PCDH12: variants seen among roughly 807,000 people sequenced by gnomAD.
PCDH12 encodes the protein protocadherin 12.
PCDH12 carries 45 observed loss-of-function variants against 70.9 expected under a neutral mutation model. The observed-to-expected ratio is 0.63, with a 90% CI of 0.50 to 0.81. The LOEUF (loss-of-function observed/expected upper bound fraction) is 0.81. PCDH12 is among the 40% of genes least tolerant of loss of function. The probability of loss-of-function intolerance (pLI) is 0.00; values close to 1 mark genes in which losing one functional copy is unlikely to be tolerated. For missense variants in PCDH12, 1,370 were observed against 1,491.7 expected (o/e 0.92, Z 1.34); for synonymous variants, 567 against 626.0 (o/e 0.91, Z 1.41).
rs1179506946 is a variant in PCDH12 at position 141,955,876 on chromosome 5, T to C, written c.1976A>G (p.Asn659Ser). 8 of 1,614,146 alleles carry C rather than the reference T, an allele frequency of 5.0e-6. 1 individual carries two copies. The Middle Eastern group carries it at 4.9e-4, about 100-fold the overall frequency. The part of the protein sequence containing the change: ...LNPHTGQLFV[N>S]VTNASSLIGS... ...AATGAGGCTGCTGGCATTGGTGACA[T>C]TGACGAACAGCTGCCCCGTATGAGG... Residue 659 changes from asparagine to serine, a missense_variant, in exon 1 of 4, where the codon AAT becomes AGT. Coordinates refer to ENST00000231484, the MANE Select transcript of PCDH12 (RefSeq NM_016580.4). This position sits in a 1 kb window ranked among gnomAD's most constrained non-coding sequence, Gnocchi z 5.5.
chr5:141,950,083 G>A (rs1042029613), intron 2 of PCDH12, among the ~76,000 whole-genome samples: 6 of 152,212 alleles, frequency 3.9e-5, no homozygotes, highest in East Asian at 1.9e-4. Context: ...CACAGTGGGT[G>A]CTGAATGAGT....
In PCDH12 at chr5:141,957,436, T is replaced by C; in HGVS notation, c.416A>G (p.Glu139Gly). 1 of 1,612,694 alleles carries C rather than the reference T, an allele frequency of 6.2e-7. No individual in the cohort carries two copies. Among genetic ancestry groups the C allele is most frequent in the South Asian group, 1.1e-5 (1 of 90,746 alleles). ...GCTCTCAGAGATTTCCAGCTCCTGC[T>C]CGCCTTTGGGAAACCGTGGCTGGTG... ...NDHQPRFPKG[E>G]QELEISESAS... The change falls in exon 1 of 4, where the codon GAG (glutamate) becomes GGG (glycine). Residue 139 changes from glutamate (E) to glycine (G), a missense_variant. Transcript: ENST00000231484. The surrounding 1 kb of genome is among the most constrained non-coding windows in gnomAD (Gnocchi z 4.3).
Position 141,955,400 on chromosome 5 carries a change from G to A in PCDH12, c.2452C>T (p.Leu818Phe), listed in dbSNP as rs1753161789. The A allele has an allele frequency of 6.2e-7, 1 of 1,613,886 alleles. No individual in the cohort carries two copies. Reference sequence around the variant, plus strand: ...AGCGTCCTGTACAGGGTCGGGGTGAGGTGGAAGGGGGCCTGCAGGCAGGGG... The same window carrying A: ...AGCGTCCTGTACAGGGTCGGGGTGAAGTGGAAGGGGGCCTGCAGGCAGGGG... Reference protein sequence around the residue: ...WDPCLQAPFHLTPTLYRTLRN... With the variant: ...WDPCLQAPFHFTPTLYRTLRN... The change falls in exon 1 of 4, where the codon CTC becomes TTC. Residue 818 changes from leucine to phenylalanine, a missense_variant. Coordinates refer to ENST00000231484, the MANE Select transcript of PCDH12 (RefSeq NM_016580.4). This position sits in a 1 kb window ranked among gnomAD's most constrained non-coding sequence, Gnocchi z 5.5.
chr5:141,954,054 A>G (rs1753135674), intron 1 of PCDH12, among the ~76,000 whole-genome samples: 1 of 152,210 alleles, frequency 6.6e-6, no homozygotes, highest in Non-Finnish European at 1.5e-5. Flanking sequence ...CATCCCATTT[A>G]GCCCTCACAC....
rs10040926 is a variant in PCDH12, at chr5:141,955,801, G to C, written c.2051C>G (p.Pro684Arg). Residue 684 changes from proline (P) to arginine (R), a missense_variant, in exon 1 of 4, where the codon CCC becomes CGC. Pro to Arg is a moderately radical substitution (Grantham distance 103). Coordinates refer to ENST00000231484, the MANE Select transcript of PCDH12 (RefSeq NM_016580.4). This position sits in a 1 kb window ranked among gnomAD's most constrained non-coding sequence, Gnocchi z 5.5. ...CCTCAACAGGGCTCGGGTCTGTAAG[G>C]GGGGGCTTCCCTGGTCCTCTACTAC... ...EIVVEDQGSP[P>R]LQTRALLRVM... 647 of 1,613,864 alleles carry C rather than the reference G, an allele frequency of 4.0e-4. 1 individual carries two copies. The African/African-American group carries it at 7.6e-3, about 19-fold the overall frequency.
chr5:141,955,248 G>A lies in PCDH12; in HGVS notation c.2604C>T (p.Pro868=), dbSNP rs758295361. ...ASRENLNLPE[P]QPATGQPRSR... Reference sequence around the variant, plus strand: ...AACGTGGCTGGCCTGTGGCAGGCTGGGGCTCGGGAAGGTTCAGGTTCTCCC... The same window carrying A: ...AACGTGGCTGGCCTGTGGCAGGCTGAGGCTCGGGAAGGTTCAGGTTCTCCC... Residue 868 remains proline, a synonymous_variant, in exon 1 of 4, where the codon CCC becomes CCT. Coordinates refer to ENST00000231484, the MANE Select transcript of PCDH12 (RefSeq NM_016580.4). The surrounding 1 kb of genome is among the most constrained non-coding windows in gnomAD (Gnocchi z 5.5). 1.8e-5 allele frequency: 29 copies of A among 1,614,096 alleles called. 1 individual carries two copies. In the African/African-American group the frequency reaches 1.9e-4, roughly 10 times the overall value.
At chr5:141,949,233 TAA>T (rs367650436) in intron 3 of PCDH12, 197 bp downstream of exon 3, 1,126 of 632,236 alleles carry the variant, frequency 1.8e-3, no homozygotes, top group Middle Eastern at 4.8e-3. Flanking sequence ...AGACCCTGTC[TAA>T]AAAAAAAAAA....
chr5:141,949,417 C>T lies in PCDH12; in HGVS notation c.3130+15G>A. 1 of 1,607,348 alleles carries T rather than the reference C, an allele frequency of 6.2e-7. No individual in the cohort carries two copies. The highest frequency in any genetic ancestry group is 8.5e-7 in the Non-Finnish European group (1 of 1,176,508). On this transcript the variant is annotated intron_variant, in intron 3 of 3. Transcript: ENST00000231484. ...GGGCAGAAGCAGGGTCAAGGTAACT[C>T]CAGGGGGTCCCTACCTGTGCTGGGG...
intron 1 of PCDH12, among the ~76,000 whole-genome samples, chr5:141,951,953 G>C (rs550865782): frequency 4.7e-4 from 71 of 152,364 alleles, no homozygotes; most frequent in African/African-American, 1.6e-3. Context: ...TTATCTTAAA[G>C]AGTTATGTTC....
At chr5:141,948,153 C>T (rs1596640913) in intron 3 of PCDH12, among the ~76,000 whole-genome samples, 1 of 152,196 alleles carries the variant, frequency 6.6e-6, no homozygotes, top group South Asian at 2.1e-4. Context: ...TGTTAATAAC[C>T]ATCCACGAGC....
rs777396555 is a variant in PCDH12 at position 141,955,059 on chromosome 5, G to T, written c.2793C>A (p.Ile931=). The part of the protein sequence containing the change: ...SPEKESGPRQ[I]LRSLVRLSVA... The stretch of plus-strand genomic sequence containing the variant: ...CAGACAGCCGGACCAGGCTCCGCAG[G>T]ATCTGACGGGGCCCTGATTCTTTCT... Residue 931 remains isoleucine (I), a synonymous_variant, in exon 1 of 4, where the codon ATC becomes ATA. Coordinates refer to ENST00000231484, the MANE Select transcript of PCDH12 (RefSeq NM_016580.4). This position sits in a 1 kb window ranked among gnomAD's most constrained non-coding sequence, Gnocchi z 5.5. 17 of 1,614,116 alleles carry T rather than the reference G, an allele frequency of 1.1e-5. No homozygotes were observed. The highest frequency in any genetic ancestry group is 1.6e-4 in the Middle Eastern group (1 of 6,084).
intron 1 of PCDH12, 30 bp from the exon 2 acceptor site, chr5:141,951,620 A>C: frequency 6.6e-7 from 1 of 1,512,238 alleles, no homozygotes; most frequent in Non-Finnish European, 9.2e-7. Flanking sequence ...TGTTGACTCC[A>C]CACAATTCCG....
chr5:141,950,052 T>TG lies in PCDH12; in HGVS notation c.2979-470dup, dbSNP rs548373703. On this transcript the variant is annotated intron_variant, in intron 2 of 3. Coordinates refer to ENST00000231484, the MANE Select transcript of PCDH12 (RefSeq NM_016580.4). ...GTCTCATTGCCTGCTCCCTTACTGATGCTCAGAACAGGGCGTGGCACACAG... is the reference window on the plus strand; with the variant it reads ...GTCTCATTGCCTGCTCCCTTACTGATGGCTCAGAACAGGGCGTGGCACACAG... Among the ~76,000 whole-genome samples, 29 of 152,330 alleles carry TG rather than the reference T, an allele frequency of 1.9e-4. No individual in the cohort carries two copies. The East Asian group carries it at 5.6e-3, about 29-fold the overall frequency.
Position 141,955,889 on chromosome 5 carries a change from G to GC in PCDH12, c.1962dup (p.Gln655AlafsTer16). The GC allele has an allele frequency of 6.2e-7, 1 of 1,614,190 alleles. No homozygotes were observed. Among genetic ancestry groups the GC allele is most frequent in the Non-Finnish European group, 8.5e-7 (1 of 1,180,028 alleles). On this transcript the variant is annotated frameshift_variant, in exon 1 of 4. Transcript: ENST00000231484. LOFTEE classifies it high-confidence loss of function. The surrounding 1 kb of genome is among the most constrained non-coding windows in gnomAD (Gnocchi z 5.5). ...GCATTGGTGACATTGACGAACAGCT[G>GC]CCCCGTATGAGGGTTGAGGATGAAG...
intron 3 of PCDH12, among the ~76,000 whole-genome samples, 165 bp from the exon 4 acceptor site, chr5:141,945,970 A>G (rs529613610): frequency 1.1e-4 from 17 of 152,346 alleles, no homozygotes; most frequent in African/African-American, 3.8e-4. Context: ...AGGCCCTGAC[A>G]GGGAAGCTCC....
Position 141,957,821 on chromosome 5 carries a change from G to A in PCDH12, c.31C>T (p.Leu11Phe). 6.2e-7 allele frequency: 1 copy of A among 1,601,008 alleles called. No individual in the cohort carries two copies. Among genetic ancestry groups the A allele is most frequent in the Non-Finnish European group, 8.5e-7 (1 of 1,179,436 alleles). ...AATAAGTAGCCACCTGGCCCCAAAA[G>A]CCCCAGCAGAAGTTGCAGAAGTTGC... MMQLLQLLLG[L>F]LGPGGYLFLL... The change falls in exon 1 of 4, where the codon CTT becomes TTT. Residue 11 changes from leucine to phenylalanine, a missense_variant. Leu to Phe is a conservative substitution (Grantham distance 22). Coordinates refer to ENST00000231484, the MANE Select transcript of PCDH12 (RefSeq NM_016580.4). The surrounding 1 kb of genome is among the most constrained non-coding windows in gnomAD (Gnocchi z 4.3).
chr5:141,957,601 C>A lies in PCDH12; in HGVS notation c.251G>T (p.Gly84Val), dbSNP rs200573476. The A allele has an allele frequency of 1.9e-6, 3 of 1,614,210 alleles. No homozygotes were observed. Among genetic ancestry groups the A allele is most frequent in the South Asian group, 1.1e-5 (1 of 91,082 alleles). The change falls in exon 1 of 4, where the codon GGC becomes GTC. Residue 84 changes from glycine (G) to valine (V), a missense_variant. Coordinates refer to ENST00000231484, the MANE Select transcript of PCDH12 (RefSeq NM_016580.4). This position sits in a 1 kb window ranked among gnomAD's most constrained non-coding sequence, Gnocchi z 4.3. Reference protein sequence around the residue: ...ALPIQVDSEEGLLSTGRRLDR... With the variant: ...ALPIQVDSEEVLLSTGRRLDR... ...CAGCCGCCTGCCTGTGCTGAGCAAG[C>A]CTTCCTCAGAGTCCACCTGAATGGG...
At chr5:141,949,400 G>A (rs763212647) in intron 3 of PCDH12, 32 bp downstream of exon 3, 1 of 1,591,288 alleles carries the variant, frequency 6.3e-7, no homozygotes, top group Non-Finnish European at 8.6e-7. Context: ...TGGGGCAGAA[G>A]CAGGGTCAAG....
At position 141,945,285 on chromosome 5, in the gene PCDH12, G is replaced by A. The variant is rs543701863; in HGVS notation, c.*96C>T. 12 of 1,438,068 alleles carry A rather than the reference G, an allele frequency of 8.3e-6. No homozygotes were observed. Among genetic ancestry groups the A allele is most frequent in the East Asian group, 4.6e-5 (2 of 43,856 alleles). The allele number at this position is 1,438,068 out of a possible 1,614,324, so 89.1% of individuals were successfully genotyped here. A position where few individuals can be genotyped will look rare whatever the true frequency, so the allele number is the denominator to read the frequency against. On this transcript the variant is annotated 3_prime_UTR_variant, in exon 4 of 4. Transcript: ENST00000231484. ...TCAGTCACCCTAAAGTTCTCAGGCC[G>A]CCGCTAGCTAGTGAGTTACAAGATT... is the stretch of plus-strand genomic sequence containing the variant.
Sources: gnomAD v4.1 joint callset for allele counts (sites outside exome capture counted in the v4.1 genomes callset) on GRCh38, gnomAD v4.1.1 for gene constraint, Gnocchi (gnomAD v3.1) non-coding constraint, MANE v1.5 for transcripts, NCBI Gene and HGNC (gene_info 2026-07-23, HGNC 2026-07-21) for gene names.